SPON2: variants seen among roughly 807,000 people sequenced by gnomAD.
SPON2 encodes spondin 2, also known as spondin-2.
A neutral mutation model predicts 29.9 loss-of-function variants in SPON2; 32 were observed. The observed-to-expected ratio is 1.07, with a 90% CI of 0.81 to 1.44. SPON2 has a LOEUF of 1.44. SPON2 is among the 40% of genes most tolerant of loss of function. The probability of loss-of-function intolerance (pLI) is 0.00; values close to 1 mark genes in which losing one functional copy is unlikely to be tolerated. For missense variants in SPON2, 541 were observed against 455.5 expected (o/e 1.19, Z -1.71); for synonymous variants, 248 against 209.1 (o/e 1.19, Z -1.61).
chr4:1,201,475 G>T (rs1728203122), intron 1 of SPON2: 1 of 184,804 alleles, frequency 5.4e-6, no homozygotes, highest in Admixed American at 6.0e-5. Context: ...GAGAGAGAAG[G>T]TGCCGTTACA....
rs758917086 is a variant in SPON2 at position 1,171,914 on chromosome 4, T to C, written c.158A>G (p.Gln53Arg). The C allele has an allele frequency of 1.9e-6, 3 of 1,612,818 alleles. No homozygotes were observed. Among genetic ancestry groups the C allele is most frequent in the Non-Finnish European group, 2.5e-6 (3 of 1,179,904 alleles). The change falls in exon 2 of 6, where the codon CAG (glutamine) becomes CGG (arginine). Residue 53 changes from glutamine (Q) to arginine (R), a missense_variant. Gln to Arg is a conservative substitution (Grantham distance 43). Transcript: ENST00000290902. ...GGGGTACTGCTTGGGGAAGGCCGTC[T>C]GGCTCCACTTGCCCGTGAAGGTGAT... ...YSITFTGKWS[Q>R]TAFPKQYPLF...
At chr4:1,196,047 G>C (rs1408657337), upstream of SPON2, among the ~76,000 whole-genome samples, 6 of 152,254 alleles carry the variant, frequency 3.9e-5, no homozygotes, top group Non-Finnish European at 8.8e-5. Flanking sequence ...TCCCCTCAAG[G>C]AGGCTCACAC....
At chr4:1,171,662 C>T (rs1360777069) in intron 2 of SPON2, 176 bp from the exon 3 acceptor site, 26 of 779,462 alleles carry the variant, frequency 3.3e-5, no homozygotes, top group Non-Finnish European at 4.9e-5. Flanking sequence ...GCGCCCTCCC[C>T]GTGAGCGCCC....
At chr4:1,174,492 A>G (rs1727550421), upstream of SPON2, among the ~76,000 whole-genome samples, 1 of 151,006 alleles carries the variant, frequency 6.6e-6, no homozygotes, top group African/African-American at 2.5e-5. Context: ...ATCTCAAAAA[A>G]AAAAAAAAAA....
Position 1,171,501 on chromosome 4 carries a change from G to A in SPON2, c.221-15C>T, listed in dbSNP as rs752258790. 1 of 1,603,840 alleles carries A rather than the reference G, an allele frequency of 6.2e-7. No individual in the cohort carries two copies. Among genetic ancestry groups the A allele is most frequent in the Non-Finnish European group, 8.5e-7 (1 of 1,173,378 alleles). On this transcript the variant is annotated splice_polypyrimidine_tract_variant and intron_variant, in intron 2 of 5. Coordinates refer to ENST00000290902, the MANE Select transcript of SPON2 (RefSeq NM_012445.4). ...ATGCGCGGCCCCTGCAGGACCACCCGGCCGCGCCGCGGACCATGGTCAGAC... is the reference window on the plus strand; with the variant it reads ...ATGCGCGGCCCCTGCAGGACCACCCAGCCGCGCCGCGGACCATGGTCAGAC...
chr4:1,200,494 C>A (rs892132231), intron 1 of SPON2: 1 of 292,120 alleles, frequency 3.4e-6, no homozygotes, highest in South Asian at 3.1e-5. Flanking sequence ...TCAGCGGGGG[C>A]GGGGGCGGGC....
At chr4:1,182,205 GA>G (rs1727712316) in intron 1 of SPON2, among the ~76,000 whole-genome samples, 1 of 152,178 alleles carries the variant, frequency 6.6e-6, no homozygotes, top group Admixed American at 6.5e-5. Flanking sequence ...AAAGAAACAG[GA>G]AAGTATGGCC....
At chr4:1,183,614 ATTAT>A (rs1213386916) in intron 1 of SPON2, among the ~76,000 whole-genome samples, 2 of 152,210 alleles carry the variant, frequency 1.3e-5, no homozygotes, top group African/African-American at 4.8e-5. Context: ...ATTTTTTAAA[ATTAT>A]TAATTTATGT....
Position 1,167,669 on chromosome 4 carries a change from A to C in SPON2, c.812-13T>G. The C allele has an allele frequency of 6.3e-7, 1 of 1,576,734 alleles. No homozygotes were observed. Among genetic ancestry groups the C allele is most frequent in the Non-Finnish European group, 8.6e-7 (1 of 1,158,942 alleles). Reference sequence around the variant, plus strand: ...GGCGTTTCTGGAACTGGACCAAGCAAAGGGGAGACCGAGGTGAACGCTCGC... The same window carrying C: ...GGCGTTTCTGGAACTGGACCAAGCACAGGGGAGACCGAGGTGAACGCTCGC... On this transcript the variant is annotated splice_polypyrimidine_tract_variant and intron_variant, in intron 5 of 5. Coordinates refer to ENST00000290902, the MANE Select transcript of SPON2 (RefSeq NM_012445.4).
At chr4:1,174,500 A>C (rs1167719694), upstream of SPON2, among the ~76,000 whole-genome samples, 11 of 149,786 alleles carry the variant, frequency 7.3e-5, no homozygotes, top group South Asian at 8.4e-4. Flanking sequence ...AAAAAAAAAA[A>C]AACAAAAAAA....
At position 1,172,562 on chromosome 4, in the gene SPON2, G is replaced by T. The variant is rs74402367; in HGVS notation, c.-22C>A. On this transcript the variant is annotated 5_prime_UTR_variant, in exon 1 of 6. Coordinates refer to ENST00000290902, the MANE Select transcript of SPON2 (RefSeq NM_012445.4). ...TACTCACCCGGCAGGAGCAGCGGGAGCGCGGCCGGCAGCGGTCGGGTCCCA... is the reference window on the plus strand; with the variant it reads ...TACTCACCCGGCAGGAGCAGCGGGATCGCGGCCGGCAGCGGTCGGGTCCCA... 0.018 allele frequency: 3,004 copies of T among 163,242 alleles called. 100 individuals carry two copies. The highest frequency in any genetic ancestry group is 0.069 in the African/African-American group (2,861 of 41,562). 10.1% of individuals were successfully genotyped at this position (163,242 alleles called of 1,614,324 possible).
rs1300767103 is a variant in SPON2, at chr4:1,171,883, G to C, written c.189C>G (p.Phe63Leu). ...GCGAAGACCACTGCGCAGGGGGGCG[G>C]AACAGGGGGTACTGCTTGGGGAAGG... ...QTAFPKQYPL[F>L]RPPAQWSSLL... Residue 63 changes from phenylalanine (F) to leucine (L), a missense_variant, in exon 2 of 6, where the codon TTC becomes TTG. Phe to Leu is a conservative substitution (Grantham distance 22, BLOSUM62 0). Coordinates refer to ENST00000290902, the MANE Select transcript of SPON2 (RefSeq NM_012445.4). The C allele has an allele frequency of 4.3e-6, 7 of 1,612,792 alleles. No homozygotes were observed. The highest frequency in any genetic ancestry group is 5.9e-6 in the Non-Finnish European group (7 of 1,179,892).
chr4:1,176,560 A>ACATT (rs1234089874), upstream of SPON2, among the ~76,000 whole-genome samples: 1 of 151,878 alleles, frequency 6.6e-6, no homozygotes, highest in African/African-American at 2.4e-5. Context: ...CTCACACAGT[A>ACATT]CATTCATTCA....
chr4:1,189,266 A>C (rs1044680040), intron 1 of SPON2, among the ~76,000 whole-genome samples: 1 of 152,128 alleles, frequency 6.6e-6, no homozygotes, highest in Non-Finnish European at 1.5e-5. Flanking sequence ...CCACCTAAAG[A>C]AACGAGAAAA....
chr4:1,208,328 TC>T (rs1204811841), upstream of SPON2: 1 of 152,204 alleles, frequency 6.6e-6, no homozygotes, highest in African/African-American at 2.4e-5. Context: ...AGAGCCTGGC[TC>T]CCTGCCCTGT....
chr4:1,178,741 G>A (rs1413801883), intron 2 of SPON2, among the ~76,000 whole-genome samples: 1 of 150,798 alleles, frequency 6.6e-6, no homozygotes, highest in African/African-American at 2.4e-5. Flanking sequence ...TAACCAGTGT[G>A]AGCAGACAGG....
chr4:1,203,335 G>A (rs972603335), intron 1 of SPON2, among the ~76,000 whole-genome samples: 1 of 152,184 alleles, frequency 6.6e-6, no homozygotes, highest in Non-Finnish European at 1.5e-5. Context: ...CCAGACATTT[G>A]ACATAAATGG....
intron 1 of SPON2, among the ~76,000 whole-genome samples, chr4:1,180,060 G>A (rs1577903077): frequency 1.3e-5 from 2 of 152,248 alleles, no homozygotes; most frequent in South Asian, 2.1e-4. Context: ...AATCTAGAAG[G>A]CCACACATAT....
chr4:1,188,202 C>CAAAAAAAAAAAAAAAAAA (rs1164276990), intron 1 of SPON2, among the ~76,000 whole-genome samples: 1 of 36,562 alleles, frequency 2.7e-5, no homozygotes, highest in African/African-American at 1.1e-4. Flanking sequence ...GACTCCGTCT[C>CAAAAAAAAAAAAAAAAAA]AAAAAAAAAA....
Sources: allele counts gnomAD v4.1 joint callset (sites outside exome capture counted in the v4.1 genomes callset), GRCh38; gene constraint gnomAD v4.1.1; transcripts MANE v1.5; gene names NCBI Gene and HGNC (gene_info 2026-07-23, HGNC 2026-07-21).